Variants in LIN7A observed in about 807,000 individuals in gnomAD.
The protein encoded by LIN7A is protein lin-7 homolog A.
Under a neutral mutation model 29.8 loss-of-function variants are expected in LIN7A, and 25 were observed. The ratio of observed to expected loss-of-function variants is 0.84; its 90% confidence interval spans 0.61 to 1.17. The LOEUF is 1.17. Ranked by LOEUF, LIN7A falls within the 50% of genes most tolerant of loss-of-function variation. LIN7A has a pLI of 0.00. For synonymous variants in LIN7A, 118 were observed against 107.5 expected, an observed-to-expected ratio of 1.10 and a Z score of -0.60; for missense variants, 239 against 287.0, an observed-to-expected ratio of 0.83 and a Z score of 1.21.
chr12:80,837,831 A>C (rs533639858), intron 4 of LIN7A, among the ~76,000 whole-genome samples: 2 of 150,796 alleles, frequency 1.3e-5, no homozygotes, highest in Non-Finnish European at 3.0e-5. Flanking sequence ...ATTTATCATC[A>C]TCATCATCCT....
intron 1 of LIN7A, among the ~76,000 whole-genome samples, chr12:80,902,771 T>C (rs1357125686): frequency 6.6e-6 from 1 of 152,088 alleles, no homozygotes; most frequent in Admixed American, 6.6e-5. Context: ...GCAGAGTCTT[T>C]AGGATTTTCT....
At chr12:80,882,299 T>TTTTTTTTTTTTTTTTTTTTC (rs1875093380) in intron 2 of LIN7A, among the ~76,000 whole-genome samples, 1 of 108,460 alleles carries the variant, frequency 9.2e-6, no homozygotes, top group African/African-American at 2.7e-5. Context: ...TTTTTTTTTT[T>TTTTTTTTTTTTTTTTTTTTC]TTTGAGACGG....
rs1048500437 is a variant in LIN7A at position 80,793,464 on chromosome 12, A to G, written c.*4263T>C. The G allele has an allele frequency of 6.6e-6, 1 of 152,162 alleles. No homozygotes were observed. Among genetic ancestry groups the G allele is most frequent in the Non-Finnish European group, 1.5e-5 (1 of 68,002 alleles). 9.4% of individuals were successfully genotyped at this position (152,162 alleles called of 1,614,324 possible). A position where few individuals can be genotyped will look rare whatever the true frequency, so the allele number is the denominator to read the frequency against. On this transcript the variant is annotated 3_prime_UTR_variant, in exon 6 of 6. Coordinates refer to ENST00000552864, the MANE Select transcript of LIN7A (RefSeq NM_004664.4). The stretch of plus-strand genomic sequence containing the variant: ...TGGGGTGAGGAATTTTATTTTTTCT[A>G]TCAGGTGTGAAGAGGACCCAATGGA...
At position 80,884,820 on chromosome 12, in the gene LIN7A, C is replaced by T. The variant is rs150848018; in HGVS notation, c.201+4431G>A. Among the ~76,000 whole-genome samples, 801 of 152,222 alleles carry T rather than the reference C, an allele frequency of 5.3e-3. 2 individuals are homozygous for T. The highest frequency in any genetic ancestry group is 0.018 in the African/African-American group (728 of 41,562). ...AGAAGGCAGTTCTTGGTGATTATGACATTGTGTTCTGCGTTTTTGCTTCAA... is the reference window on the plus strand; with the variant it reads ...AGAAGGCAGTTCTTGGTGATTATGATATTGTGTTCTGCGTTTTTGCTTCAA... On this transcript the variant is annotated intron_variant, in intron 2 of 5. Coordinates refer to ENST00000552864, the MANE Select transcript of LIN7A (RefSeq NM_004664.4).
chr12:80,825,454 G>T (rs1425837729), intron 4 of LIN7A, among the ~76,000 whole-genome samples: 1 of 152,188 alleles, frequency 6.6e-6, no homozygotes, highest in African/African-American at 2.4e-5. Context: ...GCAGTGTTGT[G>T]TACTGGGATA....
At position 80,848,270 on chromosome 12, in the gene LIN7A, C is replaced by T. The variant is rs754378664; in HGVS notation, c.254G>A (p.Arg85His). 12 of 1,613,128 alleles carry T rather than the reference C, an allele frequency of 7.4e-6. No homozygotes were observed. Among genetic ancestry groups the T allele is most frequent in the East Asian group, 4.5e-5 (2 of 44,846 alleles). ...TITVNGCPEF[R>H]ARATAKATVA... Reference sequence around the variant, plus strand: ...CCTTACCTTTGCTGTTGCCCTCGCACGGAATTCGGGACAGCCATTAACAGT... The same window carrying T: ...CCTTACCTTTGCTGTTGCCCTCGCATGGAATTCGGGACAGCCATTAACAGT... The change falls in exon 3 of 6, where the codon CGT (arginine) becomes CAT (histidine). Residue 85 changes from arginine to histidine, a missense_variant. Arg to His is a conservative substitution (Grantham distance 29). Transcript: ENST00000552864.
chr12:80,933,246 T>A (rs973139165), intron 1 of LIN7A, among the ~76,000 whole-genome samples: 1 of 152,204 alleles, frequency 6.6e-6, no homozygotes, highest in Non-Finnish European at 1.5e-5. Flanking sequence ...ATTTTCTTAA[T>A]ATATAATTAA....
intron 5 of LIN7A, among the ~76,000 whole-genome samples, chr12:80,799,122 G>A (rs1870597558): frequency 6.6e-6 from 1 of 152,118 alleles, no homozygotes; most frequent in Non-Finnish European, 1.5e-5. Flanking sequence ...AGTAAGTCTT[G>A]GATCTCTTCA....
At chr12:80,865,955 G>A (rs899127033) in intron 2 of LIN7A, among the ~76,000 whole-genome samples, 8 of 152,096 alleles carry the variant, frequency 5.3e-5, no homozygotes, top group African/African-American at 1.4e-4. Flanking sequence ...ATTATAATTC[G>A]TGGGTCAGAC....
chr12:80,835,873 A>C (rs1872570228), intron 4 of LIN7A, among the ~76,000 whole-genome samples: 1 of 152,162 alleles, frequency 6.6e-6, no homozygotes, highest in South Asian at 2.1e-4. Context: ...AAAAGTTTGT[A>C]ATTTTCATTA....
chr12:80,841,801 T>G, intron 4 of LIN7A: 1 of 760,784 alleles, frequency 1.3e-6, no homozygotes, highest in Non-Finnish European at 1.6e-6. Flanking sequence ...AGTTCTCTCT[T>G]AAAATTGCGG....
chr12:80,868,673 G>A (rs959287216), intron 2 of LIN7A, among the ~76,000 whole-genome samples: 4 of 152,192 alleles, frequency 2.6e-5, no homozygotes, highest in African/African-American at 9.7e-5. Context: ...GTCTTTTGAT[G>A]TAATTCAGGT....
intron 4 of LIN7A, chr12:80,841,885 C>T: frequency 2.9e-6 from 3 of 1,021,650 alleles, no homozygotes; most frequent in Non-Finnish European, 3.5e-6. Context: ...AACATTTTGA[C>T]CTCCTATTAA....
chr12:80,846,378 A>C (rs998001944), intron 3 of LIN7A, among the ~76,000 whole-genome samples: 5 of 152,196 alleles, frequency 3.3e-5, no homozygotes, highest in African/African-American at 1.2e-4. Context: ...TGGTGCTTGC[A>C]CATAAAAGTT....
intron 4 of LIN7A, among the ~76,000 whole-genome samples, chr12:80,825,227 G>A (rs1872005402): frequency 6.6e-6 from 1 of 152,186 alleles, no homozygotes; most frequent in African/African-American, 2.4e-5. Context: ...AGATCTGAGT[G>A]ATAAGAAAAG....
chr12:80,887,888 GA>G (rs553694733), intron 2 of LIN7A, among the ~76,000 whole-genome samples: 8 of 151,664 alleles, frequency 5.3e-5, no homozygotes, highest in South Asian at 2.1e-4. Flanking sequence ...CTCTAAAAAG[GA>G]AAAAAAATTG....
At chr12:80,937,496 C>T (rs1878303096) in intron 1 of LIN7A, 145 bp downstream of exon 1, 1 of 476,566 alleles carries the variant, frequency 2.1e-6, no homozygotes, top group Admixed American at 4.2e-5. Context: ...GTGTTCTGTT[C>T]TCGGCGCGAA....
At chr12:80,856,191 A>G (rs1256380619) in intron 2 of LIN7A, among the ~76,000 whole-genome samples, 1 of 152,212 alleles carries the variant, frequency 6.6e-6, no homozygotes, top group Non-Finnish European at 1.5e-5. Context: ...AAATCGACCC[A>G]GTGAAAATCC....
chr12:80,819,083 A>G (rs1177520898), intron 4 of LIN7A, among the ~76,000 whole-genome samples: 8 of 152,210 alleles, frequency 5.3e-5, no homozygotes, highest in African/African-American at 1.9e-4. Flanking sequence ...TGAGTACAGC[A>G]CAATGGGATA....
Sources: allele counts gnomAD v4.1 joint callset (sites outside exome capture counted in the v4.1 genomes callset), GRCh38; gene constraint gnomAD v4.1.1; transcripts MANE v1.5; gene names NCBI Gene and HGNC (gene_info 2026-07-23, HGNC 2026-07-21).